NRG1: variants seen among roughly 807,000 people sequenced by gnomAD.
NRG1 encodes the protein neuregulin 1, also known as pro-neuregulin-1, membrane-bound isoform.
In NRG1, 18 loss-of-function variants were observed where a neutral mutation model predicts 63.8. The observed-to-expected ratio is 0.28, with a 90% CI of 0.19 to 0.42. The LOEUF is 0.42. Among genes scored for constraint, NRG1 ranks in the 10% least tolerant of loss-of-function variants. The pLI is 1.00. For missense variants in NRG1, 762 were observed against 814.7 expected (o/e 0.94, Z 0.79); for synonymous variants, 302 against 301.3 (o/e 1.00, Z -0.02).
chr8:32,192,170 G>T (rs2132211655), intron 1 of NRG1: 2 of 152,318 alleles, frequency 1.3e-5, no homozygotes, highest in Middle Eastern at 6.8e-3. Context: ...CAATCACTGT[G>T]GAAAGTAGTT....
Position 31,762,277 on chromosome 8 carries a change from C to T in NRG1, c.37+122846C>T, listed in dbSNP as rs148064623. Among the ~76,000 whole-genome samples, 227 of 152,282 alleles carry T rather than the reference C, an allele frequency of 1.5e-3. 2 individuals are homozygous for T. Among genetic ancestry groups the T allele is most frequent in the African/African-American group, 5.0e-3 (207 of 41,560 alleles). On this transcript the variant is annotated intron_variant, in intron 1 of 10. Transcript: ENST00000519301. ...ATTCTCATTGTTCAACTCCCACTTA[C>T]GTGTGAGAACATGTGGTGTCTGGTT...
intron 1 of NRG1, among the ~76,000 whole-genome samples, chr8:32,033,057 T>A (rs1818504057): frequency 6.6e-6 from 1 of 152,090 alleles, no homozygotes; most frequent in East Asian, 1.9e-4. Context: ...TTGTCAGGTT[T>A]GTCAAAGATC....
intron 1 of NRG1, among the ~76,000 whole-genome samples, chr8:32,014,292 G>C (rs1815173797): frequency 1.3e-5 from 2 of 152,032 alleles, no homozygotes; most frequent in South Asian, 2.1e-4. Flanking sequence ...TGTATTCCTA[G>C]GTATTTTATT....
intron 1 of NRG1, among the ~76,000 whole-genome samples, chr8:31,923,821 A>G (rs1834111709): frequency 6.6e-6 from 1 of 152,064 alleles, no homozygotes; most frequent in African/African-American, 2.4e-5. Flanking sequence ...GGAGGAAGGC[A>G]CATTGTACCC....
chr8:32,432,192 G>T (rs1018651888), intron 1 of NRG1, among the ~76,000 whole-genome samples: 6 of 152,080 alleles, frequency 3.9e-5, no homozygotes, highest in South Asian at 2.1e-4. Flanking sequence ...GGTAAACCTG[G>T]GCTCATCCCT....
chr8:32,769,468 A>C (rs1286026319), downstream of NRG1, among the ~76,000 whole-genome samples: 1 of 152,130 alleles, frequency 6.6e-6, no homozygotes, highest in African/African-American at 2.4e-5. Context: ...CAATCATTAG[A>C]TTTCTTTTCT....
chr8:32,537,195 C>CAAAAAAAAAAAAAAAAA lies in NRG1; in HGVS notation c.38-58624_38-58608dup, dbSNP rs71208193. ...TCAGTGGCACAGTGAGACTCCATCT[C>CAAAAAAAAAAAAAAAAA]AAAAAAAAAAAAAAAAAAAAAAAAA... On this transcript the variant is annotated intron_variant, in intron 1 of 10. Transcript: ENST00000519301. 6.4e-4 allele frequency among the ~76,000 whole-genome samples: 28 copies of CAAAAAAAAAAAAAAAAA among 43,810 alleles called. 3 individuals carry two copies. Among genetic ancestry groups the CAAAAAAAAAAAAAAAAA allele is most frequent in the Middle Eastern group, 0.021 (1 of 48 alleles). The allele number at this position is 43,810 out of a possible 152,430, so 28.7% of individuals were successfully genotyped here. A position where few individuals can be genotyped will look rare whatever the true frequency, so the allele number is the denominator to read the frequency against.
At chr8:31,796,295 G>A (rs939471716) in intron 1 of NRG1, among the ~76,000 whole-genome samples, 5 of 148,728 alleles carry the variant, frequency 3.4e-5, no homozygotes, top group African/African-American at 1.2e-4. Context: ...AGGCTATTCT[G>A]TATTCAGGTA....
At chr8:32,759,636 C>T (rs977346352) in intron 10 of NRG1, among the ~76,000 whole-genome samples, 200 bp downstream of exon 10, 4 of 152,182 alleles carry the variant, frequency 2.6e-5, no homozygotes, top group African/African-American at 9.6e-5. Flanking sequence ...GCCGTTGTTT[C>T]CCATTCCTGA....
chr8:32,366,438 A>G (rs940570988), intron 1 of NRG1, among the ~76,000 whole-genome samples: 3 of 152,000 alleles, frequency 2.0e-5, no homozygotes, highest in Non-Finnish European at 4.4e-5. Flanking sequence ...ATGAGTGAGA[A>G]CATGCAATAT....
intron 1 of NRG1, among the ~76,000 whole-genome samples, chr8:32,085,003 A>G (rs760408502): frequency 3.9e-5 from 6 of 152,248 alleles, no homozygotes; most frequent in Non-Finnish European, 5.9e-5. Flanking sequence ...TTTATTATCC[A>G]GTGACCTTTA....
chr8:32,250,859 A>C (rs1230987874), intron 1 of NRG1, among the ~76,000 whole-genome samples: 1 of 152,070 alleles, frequency 6.6e-6, no homozygotes, highest in African/African-American at 2.4e-5. Flanking sequence ...AATTGAGACA[A>C]ATGATGACAA....
At position 32,669,360 on chromosome 8, in the gene NRG1, C is replaced by T. The variant is rs184878291; in HGVS notation, c.502+52475C>T. Among the ~76,000 whole-genome samples, 23 of 152,194 alleles carry T rather than the reference C, an allele frequency of 1.5e-4. No individual in the cohort carries two copies. In the South Asian group the frequency reaches 4.6e-3, roughly 30 times the overall value. On this transcript the variant is annotated intron_variant, in intron 5 of 11. Coordinates refer to ENST00000356819, the Ensembl canonical transcript of NRG1. ...TTAGGGTTTTCGTTTTTGCTGAGGTCCACTTGAACCCTGGAGCCCAAAAGA... is the reference window on the plus strand; with the variant it reads ...TTAGGGTTTTCGTTTTTGCTGAGGTTCACTTGAACCCTGGAGCCCAAAAGA...
intron 1 of NRG1, among the ~76,000 whole-genome samples, chr8:32,558,613 T>C (rs1835673056): frequency 6.6e-6 from 1 of 152,188 alleles, no homozygotes; most frequent in Non-Finnish European, 1.5e-5. Flanking sequence ...CACAGGACTC[T>C]ATGAAAGAGG....
At chr8:31,996,627 C>G (rs1323055982) in intron 1 of NRG1, among the ~76,000 whole-genome samples, 1 of 151,902 alleles carries the variant, frequency 6.6e-6, no homozygotes, top group African/African-American at 2.4e-5. Context: ...TGCCTGTGGC[C>G]TCAGCTACTC....
chr8:31,855,050 A>G (rs1361611910), intron 1 of NRG1, among the ~76,000 whole-genome samples: 3 of 151,988 alleles, frequency 2.0e-5, no homozygotes, highest in Non-Finnish European at 4.4e-5. Flanking sequence ...TCAATTTTGG[A>G]ATAGGTGTGG....
chr8:32,572,189 C>T (rs1838731474), intron 1 of NRG1, among the ~76,000 whole-genome samples: 2 of 152,170 alleles, frequency 1.3e-5, no homozygotes, highest in Non-Finnish European at 1.5e-5. Context: ...ATAAGTGGCA[C>T]ACTCCTGAAG....
At chr8:31,768,142 TA>T (rs530185095) in intron 1 of NRG1, among the ~76,000 whole-genome samples, 7 of 152,206 alleles carry the variant, frequency 4.6e-5, no homozygotes, top group Non-Finnish European at 7.3e-5. Flanking sequence ...GAAGGAGTTA[TA>T]TTTTTTTTAC....
chr8:32,188,035 T>C (rs1352295068), intron 1 of NRG1, among the ~76,000 whole-genome samples: 1 of 152,156 alleles, frequency 6.6e-6, no homozygotes. Flanking sequence ...TGCAAGATAA[T>C]GTCTTATTCA....
Sources: gnomAD v4.1 joint callset for allele counts (sites outside exome capture counted in the v4.1 genomes callset) on GRCh38, gnomAD v4.1.1 for gene constraint, MANE v1.5 for transcripts, NCBI Gene and HGNC (gene_info 2026-07-23, HGNC 2026-07-21) for gene names.